The following HCN1 variants were observed in gnomAD, a reference collection of about 807,000 sequenced individuals.
The protein encoded by HCN1 is potassium/sodium hyperpolarization-activated cyclic nucleotide-gated channel 1.
In HCN1, 13 loss-of-function variants were observed where a neutral mutation model predicts 78.9. The ratio of observed to expected loss-of-function variants is 0.16; its 90% confidence interval spans 0.11 to 0.26. The LOEUF (loss-of-function observed/expected upper bound fraction) is 0.26, where lower values mean the gene tolerates loss of function less well. Ranked by LOEUF, HCN1 falls within the 10% of genes least tolerant of loss-of-function variation. HCN1 has a pLI of 1.00. For synonymous variants in HCN1, 552 were observed against 455.5 expected (o/e 1.21, Z -2.70); for missense variants, 810 against 1,154.3 (o/e 0.70, Z 4.32).
At chr5:45,311,612 G>T (rs1190175220) in intron 5 of HCN1, among the ~76,000 whole-genome samples, 1 of 152,120 alleles carries the variant, frequency 6.6e-6, no homozygotes, top group Non-Finnish European at 1.5e-5. Flanking sequence ...GATAATTATG[G>T]CATAAGTGTT....
chr5:45,495,712 A>T (rs1742010852), intron 2 of HCN1, among the ~76,000 whole-genome samples: 1 of 152,238 alleles, frequency 6.6e-6, no homozygotes, highest in South Asian at 2.1e-4. Flanking sequence ...GTTTTTGCCC[A>T]TTCACTATGA....
intron 2 of HCN1, among the ~76,000 whole-genome samples, chr5:45,563,997 G>A (rs754814789): frequency 9.2e-5 from 14 of 152,148 alleles, no homozygotes; most frequent in Non-Finnish European, 1.8e-4. Context: ...TACAACTGAG[G>A]TGACATATGA....
At chr5:45,583,444 C>G (rs1337043523) in intron 2 of HCN1, among the ~76,000 whole-genome samples, 1 of 152,070 alleles carries the variant, frequency 6.6e-6, no homozygotes. Flanking sequence ...TGCTAGCAGT[C>G]CATCAGTTTT....
At chr5:45,531,401 T>G (rs1254904375) in intron 2 of HCN1, among the ~76,000 whole-genome samples, 2 of 152,190 alleles carry the variant, frequency 1.3e-5, no homozygotes, top group Non-Finnish European at 2.9e-5. Context: ...TTCAGACTCC[T>G]CTGTTGCTAT....
At chr5:45,446,078 T>C (rs1404932338) in intron 3 of HCN1, among the ~76,000 whole-genome samples, 2 of 152,120 alleles carry the variant, frequency 1.3e-5, no homozygotes, top group Admixed American at 6.5e-5. Flanking sequence ...CTTCAGATGA[T>C]CAAACTACTC....
chr5:45,290,814 A>G (rs189952648), intron 6 of HCN1, among the ~76,000 whole-genome samples: 40 of 152,150 alleles, frequency 2.6e-4, no homozygotes, highest in Admixed American at 1.2e-3. Flanking sequence ...TTTTATATAA[A>G]TGCTGCAAAT....
intron 2 of HCN1, among the ~76,000 whole-genome samples, chr5:45,598,860 T>C (rs562846575): frequency 6.6e-6 from 1 of 152,210 alleles, no homozygotes; most frequent in African/African-American, 2.4e-5. Flanking sequence ...AAAACCACAA[T>C]GAGATACCAT....
intron 5 of HCN1, among the ~76,000 whole-genome samples, chr5:45,339,738 C>A (rs187032519): frequency 6.6e-6 from 1 of 151,914 alleles, no homozygotes; most frequent in East Asian, 1.9e-4. Context: ...CTGAATATGG[C>A]ATTTAAATAT....
In HCN1 at chr5:45,262,499, A is replaced by C; in HGVS notation, c.2095T>G (p.Tyr699Asp). The change falls in exon 8 of 8, where the codon TAC becomes GAC. Residue 699 changes from tyrosine to aspartate, a missense_variant. Transcript: ENST00000303230. ...QPSAILSPCS[Y>D]TTAVCSPPVQ... The stretch of plus-strand genomic sequence containing the variant: ...GGAGGGCTGCAGACCGCGGTGGTGT[A>C]GGAGCAGGGTGACAGGATGGCTGAT... 6.2e-7 allele frequency: 1 copy of C among 1,613,296 alleles called. No homozygotes were observed. The highest frequency in any genetic ancestry group is 8.5e-7 in the Non-Finnish European group (1 of 1,179,840).
chr5:45,513,908 T>G (rs1234992990), intron 2 of HCN1, among the ~76,000 whole-genome samples: 1 of 152,138 alleles, frequency 6.6e-6, no homozygotes, highest in Non-Finnish European at 1.5e-5. Flanking sequence ...TCCATAATGA[T>G]AAACATTTTT....
At chr5:45,547,295 C>A (rs1389060310) in intron 2 of HCN1, among the ~76,000 whole-genome samples, 1 of 152,010 alleles carries the variant, frequency 6.6e-6, no homozygotes, top group East Asian at 1.9e-4. Context: ...CAAGGAGCTA[C>A]TAGAATAATA....
At chr5:45,695,157 G>A (rs893058248) in intron 1 of HCN1, 4 of 156,816 alleles carry the variant, frequency 2.6e-5, no homozygotes, top group African/African-American at 9.6e-5. Context: ...AAGAAAAACA[G>A]ACTAAACACA....
chr5:45,392,252 T>C (rs1377596111), intron 4 of HCN1, among the ~76,000 whole-genome samples: 1 of 152,150 alleles, frequency 6.6e-6, no homozygotes, highest in Non-Finnish European at 1.5e-5. Context: ...AAATATTAGG[T>C]TGATTTAAAA....
At chr5:45,375,309 T>C (rs1579853312) in intron 4 of HCN1, among the ~76,000 whole-genome samples, 1 of 119,238 alleles carries the variant, frequency 8.4e-6, no homozygotes, top group Non-Finnish European at 1.6e-5. Flanking sequence ...TGATATACAA[T>C]ATATATAATA....
At position 45,614,434 on chromosome 5, in the gene HCN1, C is replaced by G. The variant is rs369116996; in HGVS notation, c.849+30751G>C. 8.1e-4 allele frequency among the ~76,000 whole-genome samples: 123 copies of G among 152,170 alleles called. 2 individuals are homozygous for G. In the South Asian group the frequency reaches 0.018, roughly 23 times the overall value. On this transcript the variant is annotated intron_variant, in intron 2 of 7. Coordinates refer to ENST00000303230, the MANE Select transcript of HCN1 (RefSeq NM_021072.4). ...CTAGAGTTCTCTGTATTTTGTAATG[C>G]TGGTGGCAGGTCATGATATTCATTC... is the stretch of plus-strand genomic sequence containing the variant.
At chr5:45,505,220 T>G (rs996726713) in intron 2 of HCN1, among the ~76,000 whole-genome samples, 1 of 152,080 alleles carries the variant, frequency 6.6e-6, no homozygotes, top group Non-Finnish European at 1.5e-5. Context: ...TCTTCTAGGG[T>G]TTTTATGGTT....
At chr5:45,380,671 A>G (rs1008139025) in intron 4 of HCN1, among the ~76,000 whole-genome samples, 5 of 152,118 alleles carry the variant, frequency 3.3e-5, no homozygotes, top group African/African-American at 1.2e-4. Flanking sequence ...ATGACACCTA[A>G]TAAGACTCCT....
At chr5:45,325,905 T>C (rs1224064369) in intron 5 of HCN1, among the ~76,000 whole-genome samples, 1 of 151,622 alleles carries the variant, frequency 6.6e-6, no homozygotes, top group African/African-American at 2.4e-5. Context: ...AATAAGAGTG[T>C]CAAAAATGAT....
At chr5:45,363,922 T>C (rs557984225) in intron 4 of HCN1, among the ~76,000 whole-genome samples, 1 of 152,124 alleles carries the variant, frequency 6.6e-6, no homozygotes, top group African/African-American at 2.4e-5. Context: ...AGCGTAAAAA[T>C]GGGCTAATAC....
Sources: allele counts gnomAD v4.1 joint callset (sites outside exome capture counted in the v4.1 genomes callset), GRCh38; gene constraint gnomAD v4.1.1; transcripts MANE v1.5; gene names NCBI Gene and HGNC (gene_info 2026-07-23, HGNC 2026-07-21).